The following SPATA1 variants were observed in gnomAD, a reference collection of about 807,000 sequenced individuals.
SPATA1 encodes spermatogenesis associated 1.
A neutral mutation model predicts 59.6 loss-of-function variants in SPATA1; 57 were observed. That is an observed-to-expected ratio of 0.96 (90% CI 0.77 to 1.19). The LOEUF (loss-of-function observed/expected upper bound fraction) is 1.19. SPATA1 is among the 50% of genes most tolerant of loss of function. The probability of loss-of-function intolerance (pLI) is 0.00; values close to 1 mark genes in which losing one functional copy is unlikely to be tolerated. For synonymous variants in SPATA1, 147 were observed against 163.9 expected, an observed-to-expected ratio of 0.90 and a Z score of 0.79; for missense variants, 448 against 480.7, an observed-to-expected ratio of 0.93 and a Z score of 0.64.
At chr1:84,534,756 T>A (rs914941051) in intron 8 of SPATA1, among the ~76,000 whole-genome samples, 1 of 152,134 alleles carries the variant, frequency 6.6e-6, no homozygotes, top group African/African-American at 2.4e-5. Context: ...TATTTTCAGA[T>A]GAGAAAACGA....
downstream of SPATA1, among the ~76,000 whole-genome samples, chr1:84,557,465 G>A (rs527552017): frequency 3.3e-5 from 5 of 150,406 alleles, no homozygotes; most frequent in African/African-American, 4.9e-5. Flanking sequence ...CCTGGGAGGC[G>A]GAGGGCGCAG....
intron 8 of SPATA1, among the ~76,000 whole-genome samples, chr1:84,537,662 A>G (rs1365008174): frequency 2.6e-5 from 4 of 152,198 alleles, no homozygotes; most frequent in African/African-American, 9.7e-5. Context: ...GTTTACCCAG[A>G]TGACTACAAT....
downstream of SPATA1, among the ~76,000 whole-genome samples, chr1:84,566,392 A>G (rs1684700851): frequency 6.6e-6 from 1 of 152,218 alleles, no homozygotes; most frequent in Non-Finnish European, 1.5e-5. Flanking sequence ...AAAAGAATTC[A>G]AATACAAAAG....
At chr1:84,543,701 T>C (rs1683985380) in intron 8 of SPATA1, among the ~76,000 whole-genome samples, 1 of 151,872 alleles carries the variant, frequency 6.6e-6, no homozygotes, top group Non-Finnish European at 1.5e-5. Context: ...CAGATCCAAA[T>C]CATATCAGGT....
At chr1:84,564,537 G>A (rs1425396520) in intron 4 of SPATA1, among the ~76,000 whole-genome samples, 1 of 152,140 alleles carries the variant, frequency 6.6e-6, no homozygotes, top group Non-Finnish European at 1.5e-5. Context: ...GGTTTATTTA[G>A]TTTGGTTGTT....
downstream of SPATA1, chr1:84,554,775 G>A (rs1279871046): frequency 1.4e-5 from 6 of 441,510 alleles, no homozygotes; most frequent in Admixed American, 7.9e-5. Flanking sequence ...ACATCTAATA[G>A]AGGAATATTT....
intron 6 of SPATA1, among the ~76,000 whole-genome samples, chr1:84,526,867 CAAAAA>C (rs761804155): frequency 1.7e-5 from 1 of 60,584 alleles, no homozygotes; most frequent in African/African-American, 4.8e-5. Context: ...GACTTTGTCT[CAAAAA>C]AAAAAAAAAA....
chr1:84,523,808 A>G (rs1683117201), intron 4 of SPATA1, among the ~76,000 whole-genome samples: 1 of 152,164 alleles, frequency 6.6e-6, no homozygotes, highest in Non-Finnish European at 1.5e-5. Context: ...AACAACTCTC[A>G]TAATTTTTTG....
chr1:84,517,977 T>C (rs1682868198), intron 2 of SPATA1, among the ~76,000 whole-genome samples: 1 of 148,458 alleles, frequency 6.7e-6, no homozygotes, highest in Non-Finnish European at 1.5e-5. Context: ...ACACCACTTA[T>C]GAAATATTAT....
intron 2 of SPATA1, 39 bp from the exon 3 acceptor site, chr1:84,520,546 T>A (rs1682982666): frequency 1.6e-6 from 2 of 1,257,368 alleles, no homozygotes; most frequent in Non-Finnish European, 2.2e-6. Flanking sequence ...TTTTTCACTT[T>A]AAAAATATTT....
chr1:84,554,954 G>T (rs11801891), downstream of SPATA1: 58,832 of 1,456,952 alleles, frequency 0.04, 2,972 homozygotes, highest in African/African-American at 0.24. Context: ...TAGATCTGTT[G>T]ATACAGATCA....
chr1:84,548,852 T>C (rs1218312411), exon 11 of SPATA1: 1 of 1,571,016 alleles, frequency 6.4e-7, no homozygotes, highest in South Asian at 1.1e-5. Context: ...GAGGAGGTTT[T>C]AACAAAACTT....
chr1:84,555,187 G>T (rs1684392571), downstream of SPATA1: 2 of 1,612,326 alleles, frequency 1.2e-6, no homozygotes, highest in East Asian at 4.5e-5. Flanking sequence ...TGATGAAAGT[G>T]GCCAGCAGGA....
At chr1:84,531,788 T>A (rs1683480825) in intron 6 of SPATA1, among the ~76,000 whole-genome samples, 1 of 152,058 alleles carries the variant, frequency 6.6e-6, no homozygotes. Context: ...CTTGAACTAC[T>A]GGGCTCAAGC....
intron 12 of SPATA1, chr1:84,551,716 A>G (rs1430300273): frequency 6.6e-6 from 1 of 152,176 alleles, no homozygotes; most frequent in African/African-American, 2.4e-5. Context: ...AGCAGAGGAT[A>G]ATTTTTAACA....
At chr1:84,512,426 A>G (rs1461978224) in intron 1 of SPATA1, among the ~76,000 whole-genome samples, 1 of 152,216 alleles carries the variant, frequency 6.6e-6, no homozygotes, top group Non-Finnish European at 1.5e-5. Flanking sequence ...GTGAGATTCT[A>G]CTTTATTGGT....
At chr1:84,551,070 G>A (rs887983059) in intron 12 of SPATA1, 1 of 985,066 alleles carries the variant, frequency 1.0e-6, no homozygotes, top group East Asian at 1.1e-4. Flanking sequence ...GAGGCTTCTG[G>A]GCATGCTCTA....
At chr1:84,520,821 G>T in intron 3 of SPATA1, 130 bp downstream of exon 3, 1 of 653,668 alleles carries the variant, frequency 1.5e-6, no homozygotes, top group Non-Finnish European at 2.6e-6. Context: ...TCCATTTCCT[G>T]ACTTAATGAA....
At chr1:84,552,799 T>C (rs1684317451) in intron 12 of SPATA1, 1 of 368,856 alleles carries the variant, frequency 2.7e-6, no homozygotes, top group Admixed American at 4.8e-5. Flanking sequence ...ATTGTCCCTA[T>C]CTACTCATAA....
Sources: gnomAD v4.1 joint callset for allele counts (sites outside exome capture counted in the v4.1 genomes callset) on GRCh38, gnomAD v4.1.1 for gene constraint, MANE v1.5 for transcripts, NCBI Gene and HGNC (gene_info 2026-07-23, HGNC 2026-07-21) for gene names.